Variants in DLGAP1 observed in about 807,000 individuals in gnomAD.
The protein encoded by DLGAP1 is DLG associated protein 1.
A neutral mutation model predicts 90.8 loss-of-function variants in DLGAP1; 11 were observed. That is an observed-to-expected ratio of 0.12 (90% CI 0.08 to 0.20). The LOEUF (loss-of-function observed/expected upper bound fraction) is 0.20, where lower values mean the gene tolerates loss of function less well. DLGAP1 is among the 10% of genes least tolerant of loss of function. DLGAP1 has a pLI of 1.00. For missense variants in DLGAP1, 1,050 were observed against 1,333.8 expected (o/e 0.79, Z 3.31); for synonymous variants, 558 against 540.7 (o/e 1.03, Z -0.44).
chr18:3,659,678 A>G (rs74374308), intron 7 of DLGAP1, among the ~76,000 whole-genome samples: 1 of 150,658 alleles, frequency 6.6e-6, no homozygotes, highest in Non-Finnish European at 1.5e-5. Context: ...CGATTCTCCT[A>G]CCTCAGCGTC....
chr18:3,787,219 T>C lies in DLGAP1; in HGVS notation c.1172+26840A>G, dbSNP rs200092063. 1.0e-2 allele frequency among the ~76,000 whole-genome samples: 1,516 copies of C among 152,010 alleles called. 9 individuals are homozygous for C. Among genetic ancestry groups the C allele is most frequent in the East Asian group, 0.028 (144 of 5,148 alleles). ...ATGAGAGGGGCCAGGCGTGGTGGCTTACACCTGTAATCCCAGCACTTTGGG... is the reference window on the plus strand; with the variant it reads ...ATGAGAGGGGCCAGGCGTGGTGGCTCACACCTGTAATCCCAGCACTTTGGG... On this transcript the variant is annotated intron_variant, in intron 5 of 12. Coordinates refer to ENST00000315677, the MANE Select transcript of DLGAP1 (RefSeq NM_004746.4).
chr18:4,059,762 A>G (rs1368380326), intron 2 of DLGAP1, among the ~76,000 whole-genome samples: 1 of 152,090 alleles, frequency 6.6e-6, no homozygotes, highest in Non-Finnish European at 1.5e-5. Context: ...AAAATTACAA[A>G]AATCAGCCTT....
chr18:3,593,518 C>T (rs2056398365), intron 7 of DLGAP1, among the ~76,000 whole-genome samples: 1 of 152,140 alleles, frequency 6.6e-6, no homozygotes, highest in Non-Finnish European at 1.5e-5. Flanking sequence ...CAGTTACATC[C>T]TCCACGGAAA....
At chr18:3,615,374 T>C (rs891380542) in intron 7 of DLGAP1, among the ~76,000 whole-genome samples, 12 of 152,214 alleles carry the variant, frequency 7.9e-5, no homozygotes, top group Non-Finnish European at 1.6e-4. Flanking sequence ...AGAAACTCAC[T>C]TCTAAAGAGA....
At chr18:3,920,299 G>A (rs907772929) in intron 3 of DLGAP1, among the ~76,000 whole-genome samples, 4 of 142,990 alleles carry the variant, frequency 2.8e-5, no homozygotes, top group Non-Finnish European at 6.0e-5. Flanking sequence ...GCCGGGGGTT[G>A]CAGAGATTGC....
At chr18:3,527,420 T>G (rs1449121481) in intron 10 of DLGAP1, among the ~76,000 whole-genome samples, 4 of 147,870 alleles carry the variant, frequency 2.7e-5, no homozygotes, top group Admixed American at 6.8e-5. Flanking sequence ...CTTTTTTTTT[T>G]TTTTTTTTTT....
Position 3,497,293 on chromosome 18 carries a change from T to A in DLGAP1, c.*1892A>T, listed in dbSNP as rs1409432946. 6 of 140,970 alleles carry A rather than the reference T, an allele frequency of 4.3e-5. No homozygotes were observed. Among genetic ancestry groups the A allele is most frequent in the Admixed American group, 4.2e-4 (6 of 14,326 alleles). 8.7% of individuals were successfully genotyped at this position (140,970 alleles called of 1,614,324 possible). A position where few individuals can be genotyped will look rare whatever the true frequency, so the allele number is the denominator to read the frequency against. ...ATACTTGAAGCTCAAAATCTCTGTATGCTCCAATTTCACAAAGCACTTTGA... is the reference window on the plus strand; with the variant it reads ...ATACTTGAAGCTCAAAATCTCTGTAAGCTCCAATTTCACAAAGCACTTTGA... On this transcript the variant is annotated 3_prime_UTR_variant, in exon 13 of 13. Coordinates refer to ENST00000315677, the MANE Select transcript of DLGAP1 (RefSeq NM_004746.4).
chr18:4,251,031 T>C (rs7227595), intron 1 of DLGAP1, among the ~76,000 whole-genome samples: 16,906 of 152,062 alleles, frequency 0.11, 2,229 homozygotes, highest in African/African-American at 0.32. Flanking sequence ...AAATCTATAA[T>C]GCCCCAGGAA....
chr18:4,073,800 T>C (rs537376946), intron 2 of DLGAP1, among the ~76,000 whole-genome samples: 1 of 152,300 alleles, frequency 6.6e-6, no homozygotes, highest in African/African-American at 2.4e-5. Context: ...CTTAGTCAAA[T>C]GAGTCAATGA....
intron 7 of DLGAP1, among the ~76,000 whole-genome samples, chr18:3,681,275 C>T (rs2146895520): frequency 6.6e-6 from 1 of 152,282 alleles, no homozygotes; most frequent in South Asian, 2.1e-4. Context: ...GGGCATTTCT[C>T]ATAATAATTT....
At chr18:3,953,138 T>A (rs1047194928) in intron 3 of DLGAP1, among the ~76,000 whole-genome samples, 2 of 152,232 alleles carry the variant, frequency 1.3e-5, no homozygotes, top group African/African-American at 4.8e-5. Context: ...GCTCCTGAAA[T>A]GGTGTGTCCC....
intron 7 of DLGAP1, among the ~76,000 whole-genome samples, chr18:3,590,442 C>T (rs571515196): frequency 4.6e-5 from 7 of 152,198 alleles, no homozygotes; most frequent in Non-Finnish European, 8.8e-5. Flanking sequence ...ATCAGAGAGC[C>T]GGTTGTTAAG....
intron 7 of DLGAP1, among the ~76,000 whole-genome samples, chr18:3,639,581 G>C (rs1454324168): frequency 1.3e-5 from 2 of 151,956 alleles, no homozygotes; most frequent in African/African-American, 4.8e-5. Context: ...AGGAATCACA[G>C]CCCATTGGCT....
intron 2 of DLGAP1, among the ~76,000 whole-genome samples, chr18:4,069,530 G>A (rs78526960): frequency 0.083 from 12,661 of 152,096 alleles, 697 homozygotes; most frequent in East Asian, 0.21. Context: ...TATTGTCCTC[G>A]AGACAGTGGA....
At chr18:3,914,864 C>G (rs1304768789) in intron 3 of DLGAP1, among the ~76,000 whole-genome samples, 1 of 152,182 alleles carries the variant, frequency 6.6e-6, no homozygotes, top group Non-Finnish European at 1.5e-5. Context: ...ATCCTCCTGC[C>G]TTCCAAGGAG....
At chr18:4,263,620 T>A (rs915907360) in intron 1 of DLGAP1, among the ~76,000 whole-genome samples, 4 of 152,298 alleles carry the variant, frequency 2.6e-5, no homozygotes, top group African/African-American at 9.6e-5. Context: ...AAGGCCTATG[T>A]CCTCCTCCTC....
In DLGAP1 at chr18:3,952,023, C is replaced by T. The variant is rs139340771; in HGVS notation, c.-73+53093G>A. Reference sequence around the variant, plus strand: ...ATTTAGGTTATTAGAATTATTAAGACATTTTATGGAAAACACAGGATGGTA... The same window carrying T: ...ATTTAGGTTATTAGAATTATTAAGATATTTTATGGAAAACACAGGATGGTA... On this transcript the variant is annotated intron_variant, in intron 3 of 12. Coordinates refer to ENST00000315677, the MANE Select transcript of DLGAP1 (RefSeq NM_004746.4). Among the ~76,000 whole-genome samples, 440 of 152,224 alleles carry T rather than the reference C, an allele frequency of 2.9e-3. 3 individuals carry two copies. Among genetic ancestry groups the T allele is most frequent in the Middle Eastern group, 6.8e-3 (2 of 294 alleles).
intron 1 of DLGAP1, among the ~76,000 whole-genome samples, chr18:4,399,137 A>G (rs190043343): frequency 6.6e-6 from 1 of 152,286 alleles, no homozygotes; most frequent in East Asian, 1.9e-4. Flanking sequence ...GCCTAGACGG[A>G]CCCATTTTAA....
chr18:4,263,074 C>T (rs1222754476), intron 1 of DLGAP1, among the ~76,000 whole-genome samples: 1 of 152,048 alleles, frequency 6.6e-6, no homozygotes, highest in African/African-American at 2.4e-5. Flanking sequence ...GCTGGGACTA[C>T]AGGCACGTGC....
Sources: gnomAD v4.1 joint callset for allele counts (sites outside exome capture counted in the v4.1 genomes callset) on GRCh38, gnomAD v4.1.1 for gene constraint, MANE v1.5 for transcripts, NCBI Gene and HGNC (gene_info 2026-07-23, HGNC 2026-07-21) for gene names.